CYB5R1: variants seen among roughly 807,000 people sequenced by gnomAD.
CYB5R1 encodes the protein cytochrome b5 reductase 1.
CYB5R1 carries 32 observed loss-of-function variants against 37.4 expected under a neutral mutation model. The ratio of observed to expected loss-of-function variants is 0.86; its 90% CI spans 0.65 to 1.15. The LOEUF is 1.15. Among genes scored for constraint, CYB5R1 ranks in the 50% most tolerant of loss-of-function variants. The probability of loss-of-function intolerance (pLI) is 0.00; values close to 1 mark genes in which losing one functional copy is unlikely to be tolerated. For missense variants in CYB5R1, 345 were observed against 382.5 expected (o/e 0.90, Z 0.82); for synonymous variants, 159 against 155.2 (o/e 1.02, Z -0.18).
Position 202,963,118 on chromosome 1 carries a change from G to A in CYB5R1, c.693C>T (p.Ala231=), listed in dbSNP as rs1655025041. 3 of 1,614,114 alleles carry A rather than the reference G, an allele frequency of 1.9e-6. No individual in the cohort carries two copies. Among genetic ancestry groups the A allele is most frequent in the African/African-American group, 1.3e-5 (1 of 75,018 alleles). Residue 231 remains alanine (A), a synonymous_variant, in exon 8 of 9, where the codon GCC becomes GCT. Transcript: ENST00000367249. The part of the protein sequence containing the change: ...ILREDLEELQ[A]RYPNRFKLWF... ...AGAGCTTAAAGCGATTGGGATAGCGGGCCTGCAGTTCCTCTAAGTCCTCCC... is the reference window on the plus strand; with the variant it reads ...AGAGCTTAAAGCGATTGGGATAGCGAGCCTGCAGTTCCTCTAAGTCCTCCC...
At chr1:202,964,130 C>T (rs1655043546) in intron 6 of CYB5R1, 2 of 188,402 alleles carry the variant, frequency 1.1e-5, no homozygotes, top group African/African-American at 4.7e-5. Flanking sequence ...AGGCCATTAC[C>T]AGTGAAATAA....
rs778456223 is a variant in CYB5R1 at position 202,963,186 on chromosome 1, A to C, written c.646-21T>G. 2.5e-6 allele frequency: 4 copies of C among 1,592,830 alleles called. No individual in the cohort carries two copies. The Admixed American group carries it at 6.7e-5, about 27-fold the overall frequency. Reference sequence around the variant, plus strand: ...TCTGTCTGAAATGCAAAGGGGAAGGAAAGTCTTTAGGAGTCTTCTCAGGCC... The same window carrying C: ...TCTGTCTGAAATGCAAAGGGGAAGGCAAGTCTTTAGGAGTCTTCTCAGGCC... On this transcript the variant is annotated intron_variant, in intron 7 of 8. Transcript: ENST00000367249.
In CYB5R1 at chr1:202,966,385, G is replaced by A. The variant is rs947703105; in HGVS notation, c.238+143C>T. ...TAGAGGGGCCCAGTGGCACCTCACA[G>A]CTTGGAGGATGCAGAGCCAAGTGGG... On this transcript the variant is annotated intron_variant, in intron 3 of 8. Transcript: ENST00000367249. 3.2e-6 allele frequency: 3 copies of A among 926,548 alleles called. No individual in the cohort carries two copies. In the African/African-American group the frequency reaches 4.9e-5, roughly 15 times the overall value. The allele number at this position is 926,548 out of a possible 1,614,324, so 57.4% of individuals were successfully genotyped here.
Position 202,962,007 on chromosome 1 carries a change from TATG to T in CYB5R1, c.*517_*519del, listed in dbSNP as rs1318629199. ...GGGCTGAGAGAGACACACACAGAAA[TATG>T]ATATTTCAGACTCCTTTGAGATCTG... On this transcript the variant is annotated 3_prime_UTR_variant, in exon 9 of 9. Coordinates refer to ENST00000367249, the MANE Select transcript of CYB5R1 (RefSeq NM_016243.3). 2.0e-5 allele frequency: 3 copies of T among 152,388 alleles called. No individual in the cohort carries two copies. The East Asian group carries it at 5.8e-4, about 29-fold the overall frequency. 9.4% of individuals were successfully genotyped at this position (152,388 alleles called of 1,614,324 possible).
At chr1:202,965,292 C>A (rs957375780) in intron 5 of CYB5R1, 79 bp downstream of exon 5, 2 of 1,449,934 alleles carry the variant, frequency 1.4e-6, no homozygotes, top group Non-Finnish European at 1.8e-6. Context: ...CACATGTGTA[C>A]ACACAGCCAT....
chr1:202,962,979 T>C (rs1451690765), intron 8 of CYB5R1, 87 bp downstream of exon 8: 1 of 1,288,708 alleles, frequency 7.8e-7, no homozygotes, highest in Non-Finnish European at 1.1e-6. Flanking sequence ...GCAAGGTTGA[T>C]TTCAATGAAG....
Position 202,966,549 on chromosome 1 carries a change from G to T in CYB5R1, c.217C>A (p.His73Asn). Residue 73 changes from histidine (H) to asparagine (N), a missense_variant, in exon 3 of 9, where the codon CAC becomes AAC. His to Asn is a moderately conservative substitution (Grantham distance 68). Transcript: ENST00000367249. ...RFRFALPTAH[H>N]TLGLPVGKHI... is the part of the protein sequence containing the mutation. ...TTACCCACAGGCAGCCCCAGAGTGTGGTGGGCGGTGGGCAGGGCAAAGCGG... is the reference window on the plus strand; with the variant it reads ...TTACCCACAGGCAGCCCCAGAGTGTTGTGGGCGGTGGGCAGGGCAAAGCGG... 3.1e-6 allele frequency: 5 copies of T among 1,614,176 alleles called. No homozygotes were observed. Among genetic ancestry groups the T allele is most frequent in the Non-Finnish European group, 4.2e-6 (5 of 1,180,036 alleles).
At chr1:202,967,004 C>G (rs1429155669) in intron 1 of CYB5R1, 106 bp from the exon 2 acceptor site, 6 of 1,471,696 alleles carry the variant, frequency 4.1e-6, no homozygotes, top group Non-Finnish European at 5.5e-6. Flanking sequence ...CGGAGGCATG[C>G]CAAGGGCAGA....
chr1:202,966,070 G>A, intron 3 of CYB5R1, 77 bp from the exon 4 acceptor site: 2 of 993,020 alleles, frequency 2.0e-6, no homozygotes, highest in Non-Finnish European at 1.6e-6. Flanking sequence ...AGAGATTTGA[G>A]AGAACAAGAT....
chr1:202,962,280 A>G lies in CYB5R1; in HGVS notation c.*247T>C, dbSNP rs1391328692. ...CCTTCCTTCTTACTCCATGGAAGAG[A>G]CTGCTCCATGGGCCTCTCCTGGACC... On this transcript the variant is annotated 3_prime_UTR_variant, in exon 9 of 9. Coordinates refer to ENST00000367249, the MANE Select transcript of CYB5R1 (RefSeq NM_016243.3). 1.5e-5 allele frequency: 7 copies of G among 453,130 alleles called. No homozygotes were observed. The highest frequency in any genetic ancestry group is 1.9e-5 in the Non-Finnish European group (5 of 257,976). 28.1% of individuals were successfully genotyped at this position (453,130 alleles called of 1,614,324 possible). A position where few individuals can be genotyped will look rare whatever the true frequency, so the allele number is the denominator to read the frequency against.
intron 8 of CYB5R1, 178 bp downstream of exon 8, chr1:202,962,888 C>A: frequency 1.1e-6 from 1 of 950,028 alleles, no homozygotes; most frequent in Non-Finnish European, 1.7e-6. Flanking sequence ...CTGTCACCCA[C>A]CTGGTAAACA....
Position 202,964,623 on chromosome 1 carries a change from G to A in CYB5R1, c.548C>T (p.Ala183Val). 1 of 1,612,676 alleles carries A rather than the reference G, an allele frequency of 6.2e-7. No homozygotes were observed. The change falls in exon 6 of 9, where the codon GCC (alanine) becomes GTC (valine). Residue 183 changes from alanine to valine, a missense_variant. Ala to Val is a moderately conservative substitution (Grantham distance 64). Coordinates refer to ENST00000367249, the MANE Select transcript of CYB5R1 (RefSeq NM_016243.3). ...TCAGTGTAATGCACCTGTCCCGCCG[G>A]CAATCATTCCCAGTTTCTTCGCCAC... is the stretch of plus-strand genomic sequence containing the variant. ...PRVAKKLGMI[A>V]GGTGITPMLQ...
intron 1 of CYB5R1, 45 bp from the exon 2 acceptor site, chr1:202,966,943 C>A: frequency 6.4e-7 from 1 of 1,552,464 alleles, no homozygotes; most frequent in Non-Finnish European, 8.7e-7. Flanking sequence ...GGGTAAGAGC[C>A]CGGGGCTTGG....
Position 202,963,702 on chromosome 1 carries a change from G to C in CYB5R1, c.585C>G (p.Ile195Met), listed in dbSNP as rs1655037542. The C allele has an allele frequency of 6.2e-7, 1 of 1,609,926 alleles. No individual in the cohort carries two copies. ...GTGITPMLQL[I>M]RAILKVPEDP... The stretch of plus-strand genomic sequence containing the variant: ...CTTCAGGGACTTTCAGGATGGCCCG[G>C]ATCAGCTGTAGCATTGGGGTGATTC... The change falls in exon 7 of 9, where the codon ATC becomes ATG. Residue 195 changes from isoleucine to methionine, a missense_variant. Physicochemically the swap from Ile to Met is conservative, Grantham distance 10 (BLOSUM62 1). Coordinates refer to ENST00000367249, the MANE Select transcript of CYB5R1 (RefSeq NM_016243.3).
At chr1:202,964,796 G>T in intron 5 of CYB5R1, 101 bp from the exon 6 acceptor site, 1 of 835,230 alleles carries the variant, frequency 1.2e-6, no homozygotes, top group Non-Finnish European at 2.1e-6. Context: ...CAGTTGAGCA[G>T]CTGCTATGAC....
At position 202,962,425 on chromosome 1, in the gene CYB5R1, G is replaced by GA; in HGVS notation, c.*101dup. ...CCAGATTTCAGCTCTAGATGTAACT[G>GA]AAAAAACCTGAAACTCTGAGGAAAG... On this transcript the variant is annotated 3_prime_UTR_variant, in exon 9 of 9. Coordinates refer to ENST00000367249, the MANE Select transcript of CYB5R1 (RefSeq NM_016243.3). 7.1e-7 allele frequency: 1 copy of GA among 1,413,426 alleles called. No individual in the cohort carries two copies. Among genetic ancestry groups the GA allele is most frequent in the South Asian group, 1.4e-5 (1 of 70,186 alleles). The allele number at this position is 1,413,426 out of a possible 1,614,324, so 87.6% of individuals were successfully genotyped here.
At chr1:202,965,746 C>T in intron 4 of CYB5R1, 141 bp downstream of exon 4, 1 of 712,998 alleles carries the variant, frequency 1.4e-6, no homozygotes, top group Non-Finnish European at 2.3e-6. Flanking sequence ...GAGTCTCCTG[C>T]CTCAGTCTCC....
intron 6 of CYB5R1, 22 bp from the exon 7 acceptor site, chr1:202,963,749 T>C (rs762014578): frequency 1.9e-6 from 3 of 1,563,872 alleles, no homozygotes; most frequent in Non-Finnish European, 2.6e-6. Context: ...TACCCCACAG[T>C]GAAATGTAGT....
intron 4 of CYB5R1, 127 bp from the exon 5 acceptor site, chr1:202,965,627 T>G: frequency 1.1e-6 from 1 of 881,132 alleles, no homozygotes; most frequent in South Asian, 2.1e-5. Context: ...TCTACATACT[T>G]TCTTTCTTTC....
Sources: allele counts gnomAD v4.1 joint callset, GRCh38; gene constraint gnomAD v4.1.1; transcripts MANE v1.5; gene names NCBI Gene and HGNC (gene_info 2026-07-23, HGNC 2026-07-21).